The following NRXN1 variants were observed in gnomAD, a reference collection of about 807,000 sequenced individuals.
NRXN1 encodes neurexin 1.
NRXN1 carries 39 observed loss-of-function variants against 150.9 expected under a neutral mutation model. That is an observed-to-expected ratio of 0.26 (90% CI 0.20 to 0.34). NRXN1 has a LOEUF of 0.34. Among genes scored for constraint, NRXN1 ranks in the 10% least tolerant of loss-of-function variants. The pLI, the probability that NRXN1 is intolerant of heterozygous loss-of-function variation, is 1.00. For missense variants in NRXN1, 1,815 were observed against 1,949.9 expected, an observed-to-expected ratio of 0.93 and a Z score of 1.30; for synonymous variants, 924 against 757.0, an observed-to-expected ratio of 1.22 and a Z score of -3.62.
At chr2:50,256,437 G>A (rs1559183666) in intron 17 of NRXN1, among the ~76,000 whole-genome samples, 2 of 152,072 alleles carry the variant, frequency 1.3e-5, no homozygotes, top group African/African-American at 4.8e-5. Flanking sequence ...AAAAGCCTGA[G>A]GAGAAAGTAG....
chr2:50,392,690 G>C (rs545070550), intron 17 of NRXN1, among the ~76,000 whole-genome samples: 1 of 152,118 alleles, frequency 6.6e-6, no homozygotes, highest in African/African-American at 2.4e-5. Context: ...GTCATAGTTG[G>C]TGCTTGATAA....
At chr2:50,894,220 C>A in intron 5 of NRXN1, among the ~76,000 whole-genome samples, 1 of 145,114 alleles carries the variant, frequency 6.9e-6, no homozygotes. Flanking sequence ...GCACATGTAC[C>A]CTAAAACTTA....
intron 17 of NRXN1, among the ~76,000 whole-genome samples, chr2:50,337,451 G>C (rs2077270060): frequency 6.6e-6 from 1 of 152,130 alleles, no homozygotes; most frequent in African/African-American, 2.4e-5. Context: ...CCGTTTCAGT[G>C]ACTTAACTAT....
In NRXN1 at chr2:50,347,748, GA is replaced by G; in HGVS notation, c.3365-110779del. On this transcript the variant is annotated intron_variant, in intron 17 of 22. Coordinates refer to ENST00000401669, the MANE Select transcript of NRXN1 (RefSeq NM_001330078.2). The surrounding 1 kb of genome is among the most constrained non-coding windows in gnomAD (Gnocchi z 4.9). ...AGAAACAGAAAAAGAAAAAGAAAAA[GA>G]AAAAAAGAAAAGAAAAACCACACAC... The G allele has an allele frequency of 2.0e-6, 2 of 986,242 alleles. No homozygotes were observed. Among genetic ancestry groups the G allele is most frequent in the South Asian group, 9.4e-5 (2 of 21,322 alleles). 61.1% of individuals were successfully genotyped at this position (986,242 alleles called of 1,614,324 possible). A position where few individuals can be genotyped will look rare whatever the true frequency, so the allele number is the denominator to read the frequency against.
At chr2:50,165,909 G>A (rs899791583) in intron 18 of NRXN1, among the ~76,000 whole-genome samples, 10 of 152,162 alleles carry the variant, frequency 6.6e-5, no homozygotes, top group African/African-American at 2.4e-4. Context: ...ACTACTTTAT[G>A]TCTTGTGTAT....
chr2:50,649,104 T>C (rs1685216821), intron 5 of NRXN1, among the ~76,000 whole-genome samples: 1 of 152,022 alleles, frequency 6.6e-6, no homozygotes, highest in Non-Finnish European at 1.5e-5. Flanking sequence ...CCTGAGAGTT[T>C]CTATTTTTAC....
At chr2:50,190,370 T>C (rs1335503712) in intron 18 of NRXN1, among the ~76,000 whole-genome samples, 1 of 152,172 alleles carries the variant, frequency 6.6e-6, no homozygotes, top group Admixed American at 6.6e-5. Flanking sequence ...CATAAAAGTT[T>C]ATTCTTGGGT....
chr2:50,368,498 T>C lies in NRXN1; in HGVS notation c.3364+96944A>G, dbSNP rs534531766. ...TGTTTGTATGAATTGAATTCTAGTATCCAGATCATGAGAGTAATAATCATT... is the reference window on the plus strand; with the variant it reads ...TGTTTGTATGAATTGAATTCTAGTACCCAGATCATGAGAGTAATAATCATT... On this transcript the variant is annotated intron_variant, in intron 17 of 22. Coordinates refer to ENST00000401669, the MANE Select transcript of NRXN1 (RefSeq NM_001330078.2). Among the ~76,000 whole-genome samples the C allele has an allele frequency of 5.3e-5, 8 of 152,074 alleles. No homozygotes were observed. The South Asian group carries it at 1.7e-3, about 31-fold the overall frequency.
intron 18 of NRXN1, among the ~76,000 whole-genome samples, chr2:50,129,562 A>C (rs764140581): frequency 1.3e-5 from 2 of 152,230 alleles, no homozygotes; most frequent in Non-Finnish European, 2.9e-5. Context: ...CTTGAACAAC[A>C]ACTAAGTTTC....
chr2:50,033,059 T>A (rs189484365), intron 21 of NRXN1, among the ~76,000 whole-genome samples: 1 of 151,880 alleles, frequency 6.6e-6, no homozygotes, highest in East Asian at 1.9e-4. Flanking sequence ...TATTAAAATC[T>A]TATATATGTT....
At chr2:50,826,376 G>A (rs1670448932) in intron 5 of NRXN1, among the ~76,000 whole-genome samples, 1 of 152,172 alleles carries the variant, frequency 6.6e-6, no homozygotes, top group Non-Finnish European at 1.5e-5. Flanking sequence ...CAATGAGCCA[G>A]TGAAGGAAAG....
At chr2:50,314,362 A>G (rs2075421367) in intron 17 of NRXN1, among the ~76,000 whole-genome samples, 1 of 152,004 alleles carries the variant, frequency 6.6e-6, no homozygotes, top group African/African-American at 2.4e-5. Flanking sequence ...GAAACAAACA[A>G]AACACCTCTC....
chr2:50,637,734 A>C (rs1192058594), intron 5 of NRXN1, among the ~76,000 whole-genome samples: 5 of 152,202 alleles, frequency 3.3e-5, no homozygotes, highest in Non-Finnish European at 7.3e-5. Flanking sequence ...GCCAATTCCC[A>C]GATCAGTCTT....
At chr2:50,118,644 T>A (rs1703410080) in intron 18 of NRXN1, among the ~76,000 whole-genome samples, 1 of 152,180 alleles carries the variant, frequency 6.6e-6, no homozygotes, top group South Asian at 2.1e-4. Flanking sequence ...TTCCTTTAAA[T>A]TCAAAAGCAG....
At chr2:50,488,909 C>T (rs893055842) in intron 15 of NRXN1, among the ~76,000 whole-genome samples, 1 of 152,178 alleles carries the variant, frequency 6.6e-6, no homozygotes, top group Non-Finnish European at 1.5e-5. Flanking sequence ...GAGGGACCTG[C>T]ACCAAAGGCT....
In NRXN1 at chr2:49,925,216, G is replaced by A. The variant is rs374278399; in HGVS notation, c.4217-2965C>T. ...AATTGCTTGAACCCGGGAGGCAGAGGTTGCAGTGAGCTGCGATCGCACACT... is the reference window on the plus strand; with the variant it reads ...AATTGCTTGAACCCGGGAGGCAGAGATTGCAGTGAGCTGCGATCGCACACT... On this transcript the variant is annotated intron_variant, in intron 22 of 22. Transcript: ENST00000401669. Among the ~76,000 whole-genome samples the A allele has an allele frequency of 2.2e-4, 33 of 149,874 alleles. No individual in the cohort carries two copies. In the South Asian group the frequency reaches 4.8e-3, roughly 22 times the overall value.
intron 5 of NRXN1, among the ~76,000 whole-genome samples, chr2:50,824,755 C>G (rs1304467045): frequency 1.3e-5 from 2 of 152,104 alleles, no homozygotes; most frequent in Admixed American, 6.6e-5. Flanking sequence ...CTAAAACAGA[C>G]CAGCCTAGGA....
chr2:50,354,680 T>A (rs927773001), intron 17 of NRXN1, among the ~76,000 whole-genome samples: 1 of 151,102 alleles, frequency 6.6e-6, no homozygotes, highest in Admixed American at 6.6e-5. Flanking sequence ...GAATTTATGA[T>A]AATATTGTTA....
chr2:50,614,765 C>G (rs1438347584), intron 8 of NRXN1, among the ~76,000 whole-genome samples: 1 of 126,066 alleles, frequency 7.9e-6, no homozygotes, highest in Non-Finnish European at 1.6e-5. Flanking sequence ...ACTTGAGGAA[C>G]CAAATTTGAT....
Sources: gnomAD v4.1 joint callset for allele counts (sites outside exome capture counted in the v4.1 genomes callset) on GRCh38, gnomAD v4.1.1 for gene constraint, Gnocchi (gnomAD v3.1) non-coding constraint, MANE v1.5 for transcripts, NCBI Gene and HGNC (gene_info 2026-07-23, HGNC 2026-07-21) for gene names.